Variants in DOCK7 observed in about 807,000 individuals in gnomAD.
DOCK7 encodes dedicator of cytokinesis protein 7.
In DOCK7, 138 loss-of-function variants were observed where a neutral mutation model predicts 271.0. That is an observed-to-expected ratio of 0.51 (90% CI 0.44 to 0.59). DOCK7 has a LOEUF of 0.59. DOCK7 is among the 20% of genes least tolerant of loss of function. The probability of loss-of-function intolerance (pLI) is 0.00; values close to 1 mark genes in which losing one functional copy is unlikely to be tolerated. For synonymous variants in DOCK7, 823 were observed against 876.1 expected (o/e 0.94, Z 1.07); for missense variants, 2,066 against 2,592.4 (o/e 0.80, Z 4.41).
intron 27 of DOCK7, 83 bp from the exon 28 acceptor site, chr1:62,538,144 T>G: frequency 7.0e-7 from 1 of 1,420,818 alleles, no homozygotes; most frequent in East Asian, 2.4e-5. Flanking sequence ...AAATTAGAAT[T>G]AAAGAGATAG....
intron 14 of DOCK7, chr1:62,603,896 A>G (rs917492135): frequency 1.4e-6 from 2 of 1,459,290 alleles, no homozygotes; most frequent in African/African-American, 2.8e-5. Flanking sequence ...CACCAATAAA[A>G]AACACTTAAA....
intron 43 of DOCK7, chr1:62,484,324 G>A (rs1646229554): frequency 6.6e-6 from 1 of 151,950 alleles, no homozygotes; most frequent in Non-Finnish European, 1.5e-5. Flanking sequence ...TACTTTACTA[G>A]AGTAGTGGTG....
intron 1 of DOCK7, among the ~76,000 whole-genome samples, chr1:62,668,801 G>A (rs1357768260): frequency 1.3e-5 from 2 of 151,472 alleles, no homozygotes; most frequent in African/African-American, 4.9e-5. Flanking sequence ...AGGCTGAGGT[G>A]GGAGGACTAG....
intron 18 of DOCK7, among the ~76,000 whole-genome samples, chr1:62,562,570 A>G (rs1364411621): frequency 6.6e-6 from 1 of 152,186 alleles, no homozygotes; most frequent in Non-Finnish European, 1.5e-5. Context: ...TTCATAAAAA[A>G]TAACTTTTAA....
At chr1:62,500,341 G>T (rs1004536980) in intron 37 of DOCK7, among the ~76,000 whole-genome samples, 1 of 151,930 alleles carries the variant, frequency 6.6e-6, no homozygotes, top group Non-Finnish European at 1.5e-5. Context: ...GCTGGCAAAA[G>T]AAATTTTTTT....
intron 47 of DOCK7, among the ~76,000 whole-genome samples, chr1:62,474,493 G>A (rs10493325): frequency 0.037 from 5,698 of 152,234 alleles, 259 homozygotes; most frequent in African/African-American, 0.11. Flanking sequence ...AAGGTATTCC[G>A]GACATTGTGT....
intron 31 of DOCK7, among the ~76,000 whole-genome samples, chr1:62,514,904 C>T (rs1189783986): frequency 1.3e-5 from 2 of 151,996 alleles, no homozygotes; most frequent in African/African-American, 2.4e-5. Flanking sequence ...TGTTCTAATA[C>T]TCGGCTGACA....
intron 21 of DOCK7, among the ~76,000 whole-genome samples, chr1:62,553,704 C>A (rs908773895): frequency 5.9e-5 from 9 of 151,846 alleles, no homozygotes; most frequent in African/African-American, 2.2e-4. Context: ...GATTGCTGTA[C>A]AAAGATACTC....
At chr1:62,538,987 G>A (rs1027044155) in intron 27 of DOCK7, among the ~76,000 whole-genome samples, 1 of 152,148 alleles carries the variant, frequency 6.6e-6, no homozygotes, top group Non-Finnish European at 1.5e-5. Context: ...TTTCTAGAAG[G>A]CAGACTTCAC....
chr1:62,564,109 C>T (rs748287582), intron 18 of DOCK7, among the ~76,000 whole-genome samples: 3 of 152,040 alleles, frequency 2.0e-5, no homozygotes, highest in Non-Finnish European at 4.4e-5. Context: ...TAGACTCCCA[C>T]ACAATAACGG....
chr1:62,462,406 A>G (rs1032018106), intron 48 of DOCK7, among the ~76,000 whole-genome samples: 6 of 152,378 alleles, frequency 3.9e-5, no homozygotes, highest in Middle Eastern at 3.4e-3. Flanking sequence ...AAGCGGCAGT[A>G]GTTAAGAGAG....
intron 20 of DOCK7, among the ~76,000 whole-genome samples, chr1:62,558,119 A>G (rs1646206469): frequency 6.6e-6 from 1 of 152,258 alleles, no homozygotes; most frequent in South Asian, 2.1e-4. Flanking sequence ...CCCACTCTCC[A>G]TATTACCTCT....
Position 62,500,422 on chromosome 1 carries a change from T to C in DOCK7, c.4765-3925A>G, listed in dbSNP as rs183559307. 6.1e-4 allele frequency among the ~76,000 whole-genome samples: 93 copies of C among 151,944 alleles called. No individual in the cohort carries two copies. In the Middle Eastern group the frequency reaches 0.01, roughly 17 times the overall value. Reference sequence around the variant, plus strand: ...AAGTGTTAAAAAGGAGAAGACAAAATGATAGGTAAAGTAAAAGTTCCAACA... The same window carrying C: ...AAGTGTTAAAAAGGAGAAGACAAAACGATAGGTAAAGTAAAAGTTCCAACA... On this transcript the variant is annotated intron_variant, in intron 37 of 49. Coordinates refer to ENST00000635253, the MANE Select transcript of DOCK7 (RefSeq NM_001367561.1).
rs571300377 is a variant in DOCK7, at chr1:62,625,506, C to G, written c.1283-105G>C. ...AATCTACTAAATTGAAAATTACCCA[C>G]TCAGCATATCAAGTATAGTAGGAGA... On this transcript the variant is annotated intron_variant, in intron 11 of 49. Transcript: ENST00000635253. 7 of 1,129,578 alleles carry G rather than the reference C, an allele frequency of 6.2e-6. No individual in the cohort carries two copies. The African/African-American group carries it at 1.1e-4, about 18-fold the overall frequency. 70.0% of individuals were successfully genotyped at this position (1,129,578 alleles called of 1,614,324 possible). A position where few individuals can be genotyped will look rare whatever the true frequency, so the allele number is the denominator to read the frequency against.
chr1:62,487,193 T>C, intron 43 of DOCK7: 1 of 407,834 alleles, frequency 2.5e-6, no homozygotes, highest in South Asian at 6.7e-5. Context: ...ACATATGGAT[T>C]TCCATGCACT....
At position 62,555,716 on chromosome 1, in the gene DOCK7, T is replaced by C. The variant is rs878934927; in HGVS notation, c.2596+109A>G. ...TGGTACTTAGCAGGTGTTCAATAAA[T>C]GTTTGCCTTTGAATAAATGGATCAC... On this transcript the variant is annotated intron_variant, in intron 21 of 49. Transcript: ENST00000635253. 3.4e-4 allele frequency: 420 copies of C among 1,230,142 alleles called. 7 individuals carry two copies. In the South Asian group the frequency reaches 6.2e-3, roughly 18 times the overall value. The allele number at this position is 1,230,142 out of a possible 1,614,324, so 76.2% of individuals were successfully genotyped here.
intron 47 of DOCK7, 85 bp from the exon 48 acceptor site, chr1:62,474,173 C>A: frequency 8.8e-7 from 1 of 1,134,254 alleles, no homozygotes; most frequent in South Asian, 1.4e-5. Context: ...TTTTTCTTAG[C>A]TCTGAGATGG....
Position 62,513,816 on chromosome 1 carries a change from T to C in DOCK7, c.4019A>G (p.Asp1340Gly), listed in dbSNP as rs143210310. 4.3e-5 allele frequency: 69 copies of C among 1,614,046 alleles called. No homozygotes were observed. Among genetic ancestry groups the C allele is most frequent in the Non-Finnish European group, 5.3e-5 (63 of 1,180,018 alleles). ...AAACCACTTCTGTAGAACTGTTTCA[T>C]CTGCATTTTTGAGAACCCAAAGTAG... ...ICLLWVLKNA[D>G]ETVLQKWFTD... The change falls in exon 32 of 50, where the codon GAT becomes GGT. Residue 1340 changes from aspartate (D) to glycine (G), a missense_variant. Coordinates refer to ENST00000635253, the MANE Select transcript of DOCK7 (RefSeq NM_001367561.1).
At chr1:62,583,057 A>G in intron 16 of DOCK7, 127 bp downstream of exon 16, 1 of 676,244 alleles carries the variant, frequency 1.5e-6, no homozygotes, top group Non-Finnish European at 2.5e-6. Flanking sequence ...TGAAAATTAT[A>G]ACTCTGATGT....
Sources: allele counts gnomAD v4.1 joint callset (sites outside exome capture counted in the v4.1 genomes callset), GRCh38; gene constraint gnomAD v4.1.1; transcripts MANE v1.5; gene names NCBI Gene and HGNC (gene_info 2026-07-23, HGNC 2026-07-21).